TRPM3: variants seen among roughly 807,000 people sequenced by gnomAD.
The protein encoded by TRPM3 is transient receptor potential cation channel subfamily M member 3.
In TRPM3, 77 loss-of-function variants were observed where a neutral mutation model predicts 181.2. The observed-to-expected ratio is 0.42, with a 90% CI of 0.35 to 0.51. TRPM3 has a LOEUF of 0.51. TRPM3 is among the 20% of genes least tolerant of loss of function. TRPM3 has a pLI of 0.01. For synonymous variants in TRPM3, 745 were observed against 796.4 expected, an observed-to-expected ratio of 0.94 and a Z score of 1.09; for missense variants, 1,759 against 2,196.7, an observed-to-expected ratio of 0.80 and a Z score of 3.98.
In TRPM3 at chr9:70,862,945, A is replaced by G. The variant is rs2132403527; in HGVS notation, c.425T>C (p.Ile142Thr). ...GGAATGGCCACCTCCTTGGAACTCA[A>G]TGGTCCCAAAAGCATCCGTAGGGCT... ...QLSPTDAFGTIEFQGGGHSNK... is the reference protein window; with the variant it reads ...QLSPTDAFGTTEFQGGGHSNK... Residue 142 changes from isoleucine to threonine, a missense_variant, in exon 3 of 26, where the codon ATT (isoleucine) becomes ACT (threonine). By Grantham distance (89) the Ile-to-Thr change is moderately conservative. Transcript: ENST00000677713. 5.0e-6 allele frequency: 8 copies of G among 1,613,594 alleles called. No homozygotes were observed. Among genetic ancestry groups the G allele is most frequent in the Non-Finnish European group, 6.8e-6 (8 of 1,179,648 alleles).
chr9:70,883,831 C>T (rs1167879836), intron 1 of TRPM3, among the ~76,000 whole-genome samples: 1 of 152,170 alleles, frequency 6.6e-6, no homozygotes, highest in African/African-American at 2.4e-5. Flanking sequence ...GACTTCTTAC[C>T]CAGATACAAT....
intron 6 of TRPM3, among the ~76,000 whole-genome samples, chr9:70,794,834 AG>A (rs2086590186): frequency 6.6e-6 from 1 of 152,212 alleles, no homozygotes; most frequent in African/African-American, 2.4e-5. Context: ...ACATCCTAGA[AG>A]GGCAGAAATG....
intron 7 of TRPM3, among the ~76,000 whole-genome samples, chr9:70,783,579 C>T (rs1318855746): frequency 6.6e-6 from 1 of 152,104 alleles, no homozygotes; most frequent in Non-Finnish European, 1.5e-5. Flanking sequence ...TTACAAAGGA[C>T]CAGAGTAGTT....
At chr9:71,047,084 A>T (rs2059527494) in intron 1 of TRPM3, among the ~76,000 whole-genome samples, 1 of 152,208 alleles carries the variant, frequency 6.6e-6, no homozygotes, top group Admixed American at 6.5e-5. Flanking sequence ...ATTCCTCCAG[A>T]TCATAAGGGA....
intron 1 of TRPM3, among the ~76,000 whole-genome samples, chr9:70,974,193 C>G (rs2097274808): frequency 6.6e-6 from 1 of 151,936 alleles, no homozygotes; most frequent in Admixed American, 6.6e-5. Context: ...CAACAGTTTC[C>G]AGATATAAAT....
At chr9:71,365,558 T>C (rs928384600) in intron 1 of TRPM3, among the ~76,000 whole-genome samples, 5 of 152,220 alleles carry the variant, frequency 3.3e-5, no homozygotes, top group African/African-American at 1.2e-4. Flanking sequence ...ATCTCAGGTA[T>C]GTGGCTTAGC....
chr9:70,921,445 A>G (rs1589790464), intron 1 of TRPM3, among the ~76,000 whole-genome samples: 1 of 152,368 alleles, frequency 6.6e-6, no homozygotes, highest in East Asian at 1.9e-4. Flanking sequence ...GCTACAAACT[A>G]GTGCTATTAG....
chr9:71,006,936 G>C (rs2097682668), intron 1 of TRPM3, among the ~76,000 whole-genome samples: 1 of 148,922 alleles, frequency 6.7e-6, no homozygotes, highest in Admixed American at 6.7e-5. Context: ...CTACTCAGGA[G>C]GCTGAGGCAA....
At chr9:71,223,513 A>T (rs1214416401) in intron 1 of TRPM3, among the ~76,000 whole-genome samples, 1 of 152,226 alleles carries the variant, frequency 6.6e-6, no homozygotes. Context: ...CTTCTGCTAC[A>T]GAAAAGGACA....
chr9:71,054,365 A>T (rs1342653915), intron 1 of TRPM3, among the ~76,000 whole-genome samples: 5 of 152,062 alleles, frequency 3.3e-5, no homozygotes. Context: ...AGAAGGCCAC[A>T]CATCAGCAAT....
chr9:71,223,172 T>C (rs999184610), intron 1 of TRPM3, among the ~76,000 whole-genome samples: 2 of 152,066 alleles, frequency 1.3e-5, no homozygotes, highest in East Asian at 1.9e-4. Context: ...TTCCTTCCTC[T>C]TGAGGGAAGG....
chr9:70,741,994 A>G (rs2074210030), intron 8 of TRPM3, among the ~76,000 whole-genome samples: 2 of 152,162 alleles, frequency 1.3e-5, no homozygotes, highest in Non-Finnish European at 2.9e-5. Context: ...AAACAACAAC[A>G]AAAATATATG....
intron 1 of TRPM3, among the ~76,000 whole-genome samples, chr9:71,264,989 T>C (rs1305321953): frequency 6.6e-6 from 1 of 152,188 alleles, no homozygotes; most frequent in African/African-American, 2.4e-5. Flanking sequence ...AGAAAGAATG[T>C]TTTAACAAAG....
intron 1 of TRPM3, among the ~76,000 whole-genome samples, chr9:71,013,440 G>A (rs1214390936): frequency 4.6e-5 from 7 of 151,328 alleles, no homozygotes; most frequent in South Asian, 2.1e-4. Flanking sequence ...TTCTTATTTC[G>A]TGAGAATACT....
chr9:71,415,815 GTACAAAGAT>G (rs979321834), intron 1 of TRPM3, among the ~76,000 whole-genome samples: 13 of 151,452 alleles, frequency 8.6e-5, no homozygotes, highest in Admixed American at 6.6e-5. Context: ...TAGATTTATG[GTACAAAGAT>G]TTTTATAAAA....
At chr9:70,649,161 T>C (rs2059293778) in intron 9 of TRPM3, among the ~76,000 whole-genome samples, 1 of 151,146 alleles carries the variant, frequency 6.6e-6, no homozygotes, top group Non-Finnish European at 1.5e-5. Flanking sequence ...AACAACCTCA[T>C]TTAAAGATGG....
intron 1 of TRPM3, among the ~76,000 whole-genome samples, chr9:71,398,713 C>T (rs1230265149): frequency 6.6e-6 from 1 of 152,172 alleles, no homozygotes; most frequent in Non-Finnish European, 1.5e-5. Flanking sequence ...AACCCCTTTT[C>T]TTCATAAATT....
chr9:70,936,299 C>A (rs1427678563), intron 1 of TRPM3, among the ~76,000 whole-genome samples: 2 of 152,078 alleles, frequency 1.3e-5, no homozygotes, highest in African/African-American at 2.4e-5. Flanking sequence ...TAAAACAAAA[C>A]AACAAAACAA....
intron 1 of TRPM3, among the ~76,000 whole-genome samples, chr9:71,179,421 AGT>A (rs1180693352): frequency 6.6e-6 from 1 of 152,138 alleles, no homozygotes; most frequent in African/African-American, 2.4e-5. Flanking sequence ...TCAGGCAGGG[AGT>A]GTCTCCTTAT....
Sources: allele counts gnomAD v4.1 joint callset (sites outside exome capture counted in the v4.1 genomes callset), GRCh38; gene constraint gnomAD v4.1.1; transcripts MANE v1.5; gene names NCBI Gene and HGNC (gene_info 2026-07-23, HGNC 2026-07-21).